The following AZI2 variants were observed in gnomAD, a reference collection of about 807,000 sequenced individuals.
The protein encoded by AZI2 is 5-azacytidine-induced protein 2.
AZI2 carries 22 observed loss-of-function variants against 45.8 expected under a neutral mutation model. The ratio of observed to expected loss-of-function variants is 0.48; its 90% CI spans 0.34 to 0.69. AZI2 has a LOEUF of 0.69. Among genes scored for constraint, AZI2 ranks in the 30% least tolerant of loss-of-function variants. AZI2 has a pLI of 0.01. For missense variants in AZI2, 417 were observed against 441.5 expected (o/e 0.94, Z 0.50); for synonymous variants, 137 against 156.7 (o/e 0.87, Z 0.94).
intron 2 of AZI2, 122 bp from the exon 3 acceptor site, chr3:28,338,737 T>A: frequency 1.2e-6 from 1 of 850,592 alleles, no homozygotes; most frequent in African/African-American, 1.7e-5. Flanking sequence ...CCTGGATTCA[T>A]TAGGTGAGTA....
Position 28,338,608 on chromosome 3 carries a change from G to A in AZI2, c.224C>T (p.Ala75Val). 1 of 1,608,836 alleles carries A rather than the reference G, an allele frequency of 6.2e-7. No homozygotes were observed. The highest frequency in any genetic ancestry group is 8.5e-7 in the Non-Finnish European group (1 of 1,177,568). Residue 75 changes from alanine to valine, a missense_variant, in exon 3 of 8, where the codon GCT becomes GTT. Ala to Val is a moderately conservative substitution (Grantham distance 64). Transcript: ENST00000479665. ...RIRFLEEKLI[A>V]RFEEETSSVG... ...GGAACTTGTTTCTTCTTCAAATCGA[G>A]CTATTAGCTAACGGTATGAAATTAG...
At chr3:28,328,711 T>A (rs1251973477) in intron 6 of AZI2, among the ~76,000 whole-genome samples, 1 of 151,266 alleles carries the variant, frequency 6.6e-6, no homozygotes, top group South Asian at 2.1e-4. Flanking sequence ...AAACTACAGA[T>A]AGACAAATCT....
intron 6 of AZI2, chr3:28,331,969 A>G (rs1703595815): frequency 1.4e-6 from 2 of 1,462,868 alleles, no homozygotes; most frequent in Non-Finnish European, 1.9e-6. Context: ...AAAAACAAAA[A>G]ACAAAAAAAA....
intron 1 of AZI2, among the ~76,000 whole-genome samples, chr3:28,342,604 T>C (rs1704062537): frequency 6.6e-6 from 1 of 152,040 alleles, no homozygotes; most frequent in East Asian, 1.9e-4. Flanking sequence ...GTCATGCTAC[T>C]GCTAGCTGAA....
intron 1 of AZI2, among the ~76,000 whole-genome samples, chr3:28,342,518 T>G (rs2125666514): frequency 6.6e-6 from 1 of 152,152 alleles, no homozygotes; most frequent in Non-Finnish European, 1.5e-5. Flanking sequence ...AAGTTTAACT[T>G]TTCTTCCTCT....
chr3:28,348,478 G>A (rs1343135773), intron 1 of AZI2, 123 bp downstream of exon 1: 2 of 152,636 alleles, frequency 1.3e-5, no homozygotes, highest in African/African-American at 4.8e-5. Context: ...CTAGTCAAAG[G>A]AGGGGGCGCG....
intron 2 of AZI2, 31 bp downstream of exon 2, chr3:28,340,371 A>G (rs1179114416): frequency 2.9e-6 from 4 of 1,385,004 alleles, no homozygotes; most frequent in Non-Finnish European, 3.0e-6. Flanking sequence ...CTTATGTCAC[A>G]AACGCAATGA....
At chr3:28,325,721 T>G (rs1703362763) in intron 7 of AZI2, among the ~76,000 whole-genome samples, 1 of 151,110 alleles carries the variant, frequency 6.6e-6, no homozygotes, top group Non-Finnish European at 1.5e-5. Context: ...GAAAACTCAA[T>G]GCAGAATTAC....
intron 6 of AZI2, among the ~76,000 whole-genome samples, chr3:28,328,080 G>A (rs989530781): frequency 3.3e-5 from 5 of 150,330 alleles, no homozygotes; most frequent in African/African-American, 1.2e-4. Context: ...ATACCTTTTT[G>A]TCAATAAACT....
intron 7 of AZI2, 53 bp downstream of exon 7, chr3:28,326,779 G>C: frequency 7.9e-7 from 1 of 1,267,806 alleles, no homozygotes; most frequent in Non-Finnish European, 1.2e-6. Flanking sequence ...ACAGCTAGTT[G>C]CTCTTCAGGC....
intron 5 of AZI2, among the ~76,000 whole-genome samples, chr3:28,335,704 G>GT (rs950892659): frequency 4.6e-5 from 7 of 151,820 alleles, no homozygotes; most frequent in African/African-American, 1.7e-4. Flanking sequence ...GAAGAAAGAA[G>GT]TATCAGCTCC....
In AZI2 at chr3:28,328,385, C is replaced by G. The variant is rs1164105695; in HGVS notation, c.648-1435G>C. 7.3e-5 allele frequency among the ~76,000 whole-genome samples: 11 copies of G among 151,110 alleles called. No individual in the cohort carries two copies. The Admixed American group carries it at 7.3e-4, about 10-fold the overall frequency. The stretch of plus-strand genomic sequence containing the variant: ...CATTATATAGCAGTAAGTGTAAACA[C>G]TGAACATGTGCTAATTCATTCATTC... On this transcript the variant is annotated intron_variant, in intron 6 of 7. Transcript: ENST00000479665.
Position 28,323,919 on chromosome 3 carries a change from T to A in AZI2, c.*123A>T. On this transcript the variant is annotated 3_prime_UTR_variant, in exon 8 of 8. Transcript: ENST00000479665. ...TACTATTGTACAGTGTGTTCAAATA[T>A]AGATACTGAAGACCTCTGCAAAATT... is the stretch of plus-strand genomic sequence containing the variant. 1 of 1,118,846 alleles carries A rather than the reference T, an allele frequency of 8.9e-7. No individual in the cohort carries two copies. Among genetic ancestry groups the A allele is most frequent in the Non-Finnish European group, 1.3e-6 (1 of 785,368 alleles). 69.3% of individuals were successfully genotyped at this position (1,118,846 alleles called of 1,614,324 possible). A position where few individuals can be genotyped will look rare whatever the true frequency, so the allele number is the denominator to read the frequency against.
intron 5 of AZI2, among the ~76,000 whole-genome samples, chr3:28,332,970 T>A (rs893756955): frequency 1.3e-5 from 2 of 151,730 alleles, no homozygotes; most frequent in Non-Finnish European, 2.9e-5. Context: ...GCTTTTAAAT[T>A]CAGTTGATTT....
In AZI2 at chr3:28,324,406, T is replaced by G; in HGVS notation, c.815A>C (p.Lys272Thr). The change falls in exon 8 of 8, where the codon AAA becomes ACA. Residue 272 changes from lysine to threonine, a missense_variant. Physicochemically the swap from Lys to Thr is moderately conservative, Grantham distance 78. Coordinates refer to ENST00000479665, the MANE Select transcript of AZI2 (RefSeq NM_022461.5). ...TGCAGTAAAATTCATCAAGTGCAGT[T>G]TTGTGCTGTCTCTTCCAAGGTCTTC... The part of the protein sequence containing the change: ...CSEDLGRDST[K>T]LHLMNFTATY... 1 of 1,545,358 alleles carries G rather than the reference T, an allele frequency of 6.5e-7. No homozygotes were observed. Among genetic ancestry groups the G allele is most frequent in the Non-Finnish European group, 8.7e-7 (1 of 1,145,166 alleles).
Position 28,338,551 on chromosome 3 carries a change from T to A in AZI2, c.281A>T (p.His94Leu). Residue 94 changes from histidine to leucine, a missense_variant, in exon 3 of 8, where the codon CAT becomes CTT. Transcript: ENST00000479665. Reference protein sequence around the residue: ...VGREQVNKAYHAYREVCIDRD... With the variant: ...VGREQVNKAYLAYREVCIDRD... ...ATCAATGCAAACCTCTCGATATGCA[T>A]GATAGGCCTTATTTACTTGTTCTCG... The A allele has an allele frequency of 6.2e-7, 1 of 1,609,996 alleles. No individual in the cohort carries two copies. Among genetic ancestry groups the A allele is most frequent in the Non-Finnish European group, 8.5e-7 (1 of 1,177,426 alleles).
At chr3:28,333,892 G>C (rs1219959913) in intron 5 of AZI2, among the ~76,000 whole-genome samples, 1 of 151,198 alleles carries the variant, frequency 6.6e-6, no homozygotes, top group African/African-American at 2.4e-5. Flanking sequence ...AGTACACTGT[G>C]AATCTCTAAC....
At chr3:28,325,624 AG>A (rs1703360328) in intron 7 of AZI2, among the ~76,000 whole-genome samples, 1 of 151,130 alleles carries the variant, frequency 6.6e-6, no homozygotes, top group African/African-American at 2.4e-5. Flanking sequence ...AAGGAACACA[AG>A]GATGAGCCAT....
rs1168890405 is a variant in AZI2 at position 28,322,685 on chromosome 3, C to T, written c.*1357G>A. 6.6e-6 allele frequency: 1 copy of T among 151,464 alleles called. No individual in the cohort carries two copies. The highest frequency in any genetic ancestry group is 1.5e-5 in the Non-Finnish European group (1 of 67,394). The allele number at this position is 151,464 out of a possible 1,614,324, so 9.4% of individuals were successfully genotyped here. A position where few individuals can be genotyped will look rare whatever the true frequency, so the allele number is the denominator to read the frequency against. On this transcript the variant is annotated 3_prime_UTR_variant, in exon 8 of 8. Coordinates refer to ENST00000479665, the MANE Select transcript of AZI2 (RefSeq NM_022461.5). ...TGTACTCCCCTGAGTCAGCTGTGTT[C>T]ATTGGTCAGAATAAATTCCAGCATC...
Sources: gnomAD v4.1 joint callset for allele counts (sites outside exome capture counted in the v4.1 genomes callset) on GRCh38, gnomAD v4.1.1 for gene constraint, MANE v1.5 for transcripts, NCBI Gene and HGNC (gene_info 2026-07-23, HGNC 2026-07-21) for gene names.